The following PTH2R variants were observed in gnomAD, a reference collection of about 807,000 sequenced individuals.
PTH2R encodes the protein parathyroid hormone 2 receptor.
A neutral mutation model predicts 60.3 loss-of-function variants in PTH2R; 59 were observed. That is an observed-to-expected ratio of 0.98 (90% CI 0.79 to 1.22). The LOEUF is 1.22. Among genes scored for constraint, PTH2R ranks in the 50% most tolerant of loss-of-function variants. The pLI is 0.00. For missense variants in PTH2R, 749 were observed against 682.6 expected (o/e 1.10, Z -1.08); for synonymous variants, 256 against 243.8 (o/e 1.05, Z -0.47).
intron 1 of PTH2R, among the ~76,000 whole-genome samples, chr2:208,424,926 C>A (rs561906370): frequency 1.3e-5 from 2 of 152,066 alleles, no homozygotes; most frequent in African/African-American, 4.8e-5. Context: ...AGGAGCATAA[C>A]GAATTTATTT....
In PTH2R at chr2:208,409,145, A is replaced by G. The variant is rs544672377; in HGVS notation, c.75+2027A>G. Among the ~76,000 whole-genome samples the G allele has an allele frequency of 2.4e-4, 36 of 152,322 alleles. No individual in the cohort carries two copies. The South Asian group carries it at 3.5e-3, about 15-fold the overall frequency. ...TATCTATAGATTATGAATTGCATAAAATGACAGTTTGTGGTATTATATTAC... is the reference window on the plus strand; with the variant it reads ...TATCTATAGATTATGAATTGCATAAGATGACAGTTTGTGGTATTATATTAC... On this transcript the variant is annotated intron_variant, in intron 1 of 12. Transcript: ENST00000272847.
chr2:208,375,966 T>G (rs1180730762), intron 1 of PTH2R, among the ~76,000 whole-genome samples: 1 of 152,102 alleles, frequency 6.6e-6, no homozygotes, highest in Non-Finnish European at 1.5e-5. Flanking sequence ...AGGAAGAGTT[T>G]TCTAGCTCTC....
upstream of PTH2R, among the ~76,000 whole-genome samples, chr2:208,405,430 A>G (rs1701384696): frequency 6.6e-6 from 1 of 152,210 alleles, no homozygotes; most frequent in African/African-American, 2.4e-5. Flanking sequence ...GGCCAAAAAC[A>G]AAGTTGAAAA....
chr2:208,449,427 T>C (rs1415430515), intron 7 of PTH2R, among the ~76,000 whole-genome samples: 1 of 128,686 alleles, frequency 7.8e-6, no homozygotes, highest in Admixed American at 8.6e-5. Context: ...AAATGATTAA[T>C]GGAGAAATGT....
At chr2:208,377,583 G>A (rs1700823473) in intron 1 of PTH2R, among the ~76,000 whole-genome samples, 1 of 150,340 alleles carries the variant, frequency 6.7e-6, no homozygotes, top group Admixed American at 6.6e-5. Flanking sequence ...GCGGCTGGCC[G>A]GGCGGGGGCT....
chr2:208,460,010 G>T (rs1312709670), intron 9 of PTH2R, 49 bp downstream of exon 9: 1 of 1,513,664 alleles, frequency 6.6e-7, no homozygotes, highest in Non-Finnish European at 9.1e-7. Flanking sequence ...AAATTAACCT[G>T]CTGCTAAAAC....
In PTH2R at chr2:208,464,756, G is replaced by T. The variant is rs543129557; in HGVS notation, c.981+4795G>T. On this transcript the variant is annotated intron_variant, in intron 9 of 12. Coordinates refer to ENST00000272847, the MANE Select transcript of PTH2R (RefSeq NM_005048.4). Reference sequence around the variant, plus strand: ...AGACTGGGCATGGTGGCTCATGCCTGTAATCCCAGTGCTTTGGTAGACATA... The same window carrying T: ...AGACTGGGCATGGTGGCTCATGCCTTTAATCCCAGTGCTTTGGTAGACATA... Among the ~76,000 whole-genome samples, 5 of 152,280 alleles carry T rather than the reference G, an allele frequency of 3.3e-5. No homozygotes were observed. The South Asian group carries it at 1.0e-3, about 32-fold the overall frequency.
chr2:208,399,534 A>G (rs1701270213), intron 1 of PTH2R, among the ~76,000 whole-genome samples: 1 of 151,926 alleles, frequency 6.6e-6, no homozygotes, highest in Non-Finnish European at 1.5e-5. Context: ...GGTGATTAAA[A>G]ACCCTAGACA....
intron 10 of PTH2R, 131 bp downstream of exon 10, chr2:208,481,295 T>TGCAAACTC: frequency 1.9e-6 from 1 of 537,280 alleles, no homozygotes; most frequent in Non-Finnish European, 3.3e-6. Flanking sequence ...CTCGGCTCAC[T>TGCAAACTC]CGCCTCCCGG....
At chr2:208,475,092 A>G (rs16841273) in intron 9 of PTH2R, among the ~76,000 whole-genome samples, 2,930 of 152,328 alleles carry the variant, frequency 0.019, 35 homozygotes, top group Middle Eastern at 0.037. Context: ...CACATATTCC[A>G]TTCATTTAAA....
intron 1 of PTH2R, among the ~76,000 whole-genome samples, chr2:208,422,866 C>T (rs1190699057): frequency 6.6e-6 from 1 of 152,086 alleles, no homozygotes; most frequent in African/African-American, 2.4e-5. Context: ...CCAGAAGGAT[C>T]CCTTCTGATG....
chr2:208,476,319 C>T (rs1703002179), intron 9 of PTH2R, among the ~76,000 whole-genome samples: 1 of 152,114 alleles, frequency 6.6e-6, no homozygotes, highest in Non-Finnish European at 1.5e-5. Flanking sequence ...ATCATTGACA[C>T]AATTATAAAT....
chr2:208,442,240 C>A, intron 4 of PTH2R, 124 bp from the exon 5 acceptor site: 1 of 724,676 alleles, frequency 1.4e-6, no homozygotes, highest in South Asian at 1.7e-5. Flanking sequence ...TTATTGCATG[C>A]AAATTACAGC....
intron 1 of PTH2R, among the ~76,000 whole-genome samples, chr2:208,369,985 G>A (rs1344005722): frequency 1.3e-5 from 2 of 151,968 alleles, no homozygotes; most frequent in Non-Finnish European, 2.9e-5. Context: ...ATACAGACTG[G>A]GAAGCCTGCC....
At chr2:208,412,266 A>G (rs1701555042) in intron 1 of PTH2R, among the ~76,000 whole-genome samples, 1 of 152,154 alleles carries the variant, frequency 6.6e-6, no homozygotes, top group African/African-American at 2.4e-5. Context: ...TACTTTTCCC[A>G]GTTGTTATTG....
intron 1 of PTH2R, among the ~76,000 whole-genome samples, chr2:208,369,837 A>G (rs1354447473): frequency 6.6e-6 from 1 of 152,100 alleles, no homozygotes; most frequent in African/African-American, 2.4e-5. Flanking sequence ...ACCTGATGAG[A>G]CATCATAGAC....
At chr2:208,402,851 C>T (rs1359164462), upstream of PTH2R, among the ~76,000 whole-genome samples, 1 of 152,154 alleles carries the variant, frequency 6.6e-6, no homozygotes, top group Non-Finnish European at 1.5e-5. Flanking sequence ...CTGTGAAGTT[C>T]TATGGAAATG....
intron 7 of PTH2R, among the ~76,000 whole-genome samples, chr2:208,445,499 A>C (rs575212557): frequency 6.6e-6 from 1 of 152,328 alleles, no homozygotes; most frequent in East Asian, 1.9e-4. Context: ...CACTGACTCA[A>C]CATGACATGG....
chr2:208,465,919 A>G (rs1559228480), intron 9 of PTH2R, among the ~76,000 whole-genome samples: 1 of 152,082 alleles, frequency 6.6e-6, no homozygotes, highest in Non-Finnish European at 1.5e-5. Context: ...GGCATTGTTC[A>G]GAAAAATTTA....
Sources: gnomAD v4.1 joint callset for allele counts (sites outside exome capture counted in the v4.1 genomes callset) on GRCh38, gnomAD v4.1.1 for gene constraint, MANE v1.5 for transcripts, NCBI Gene and HGNC (gene_info 2026-07-23, HGNC 2026-07-21) for gene names.